The following ZHX2 variants were observed in gnomAD, a reference collection of about 807,000 sequenced individuals.
ZHX2 encodes the protein zinc fingers and homeoboxes protein 2.
ZHX2 carries 6 observed loss-of-function variants against 21.9 expected under a neutral mutation model. The ratio of observed to expected loss-of-function variants is 0.27; its 90% CI spans 0.15 to 0.54. The LOEUF is 0.54. Ranked by LOEUF, ZHX2 falls within the 20% of genes least tolerant of loss-of-function variation. ZHX2 has a pLI of 0.95. For missense variants in ZHX2, 908 were observed against 1,090.7 expected, an observed-to-expected ratio of 0.83 and a Z score of 2.36; for synonymous variants, 434 against 437.1, an observed-to-expected ratio of 0.99 and a Z score of 0.09.
At chr8:122,816,769 C>T (rs141173221) in intron 1 of ZHX2, among the ~76,000 whole-genome samples, 64 of 152,246 alleles carry the variant, frequency 4.2e-4, no homozygotes, top group African/African-American at 1.5e-3. Context: ...GAAACTGAAG[C>T]TCAGGGAGGC....
chr8:122,826,127 G>A (rs373805875), intron 1 of ZHX2, among the ~76,000 whole-genome samples: 8 of 152,272 alleles, frequency 5.3e-5, no homozygotes, highest in Admixed American at 3.3e-4. Flanking sequence ...GGGAAAATGG[G>A]CCATTATTCT....
chr8:122,965,260 T>TA (rs1813552731), intron 3 of ZHX2, among the ~76,000 whole-genome samples: 1 of 152,218 alleles, frequency 6.6e-6, no homozygotes, highest in Admixed American at 6.5e-5. Context: ...TTTGTGCTCT[T>TA]AGACTTTTTG....
At chr8:122,814,701 G>A (rs1817996416) in intron 1 of ZHX2, among the ~76,000 whole-genome samples, 2 of 152,244 alleles carry the variant, frequency 1.3e-5, no homozygotes, top group East Asian at 3.9e-4. Context: ...GAGGTATTGG[G>A]GTGTCTGGCA....
chr8:122,836,734 G>A (rs375097643), intron 1 of ZHX2, among the ~76,000 whole-genome samples: 12 of 152,274 alleles, frequency 7.9e-5, no homozygotes, highest in African/African-American at 1.9e-4. Context: ...GGTGTCTTCC[G>A]GCCGGCTTTC....
At chr8:122,930,872 C>T (rs1820972716) in intron 2 of ZHX2, among the ~76,000 whole-genome samples, 1 of 152,078 alleles carries the variant, frequency 6.6e-6, no homozygotes, top group South Asian at 2.1e-4. Context: ...GGCTGGCACA[C>T]TGGCACCCAG....
At chr8:122,876,207 C>T (rs1217686122) in intron 2 of ZHX2, among the ~76,000 whole-genome samples, 3 of 144,326 alleles carry the variant, frequency 2.1e-5, no homozygotes, top group Non-Finnish European at 4.6e-5. Flanking sequence ...CCCACATCTT[C>T]GACACTGACA....
chr8:122,853,732 C>A (rs972271979), intron 1 of ZHX2, among the ~76,000 whole-genome samples: 2 of 152,098 alleles, frequency 1.3e-5, no homozygotes, highest in African/African-American at 4.8e-5. Flanking sequence ...ACCGCCTTCT[C>A]CATGCAACCT....
rs758122080 is a variant in ZHX2, at chr8:122,953,989, T to A, written c.2479T>A (p.Ser827Thr). The A allele has an allele frequency of 6.2e-7, 1 of 1,609,552 alleles. No individual in the cohort carries two copies. The highest frequency in any genetic ancestry group is 1.7e-5 in the Admixed American group (1 of 59,732). Residue 827 changes from serine to threonine, a missense_variant, in exon 3 of 4, where the codon TCC becomes ACC. Physicochemically the swap from Ser to Thr is moderately conservative, Grantham distance 58. Transcript: ENST00000314393. This position sits in a 1 kb window ranked among gnomAD's most constrained non-coding sequence, Gnocchi z 4.6. ...TGTGTCGGAACTGGCTGAATCAGAC[T>A]CCGACTGCGTCCCTGCAGAGGCTGG... ...EGVSELAESDSDCVPAEAGQA is the reference protein window; with the variant it reads ...EGVSELAESDTDCVPAEAGQA
intron 2 of ZHX2, among the ~76,000 whole-genome samples, chr8:122,891,991 A>G (rs1016993687): frequency 6.6e-6 from 1 of 152,164 alleles, no homozygotes; most frequent in African/African-American, 2.4e-5. Context: ...TTCTGCCTAG[A>G]TGGTCTGTCC....
At chr8:122,788,763 G>A (rs1225536561) in intron 1 of ZHX2, among the ~76,000 whole-genome samples, 4 of 152,142 alleles carry the variant, frequency 2.6e-5, no homozygotes, top group East Asian at 1.9e-4. Context: ...GAGAAGGGAC[G>A]GTTTTAGATC....
chr8:122,845,549 T>G (rs1381440020), intron 1 of ZHX2, among the ~76,000 whole-genome samples: 1 of 152,238 alleles, frequency 6.6e-6, no homozygotes, highest in Non-Finnish European at 1.5e-5. Context: ...AATATCCTTA[T>G]ATCTGAAAAG....
chr8:122,890,438 A>T (rs1307419028), intron 2 of ZHX2, among the ~76,000 whole-genome samples: 7 of 152,028 alleles, frequency 4.6e-5, no homozygotes, highest in Non-Finnish European at 1.5e-5. Flanking sequence ...CTTTTGCTAC[A>T]TGGGGTCTTT....
At chr8:122,807,175 G>A (rs16897478) in intron 1 of ZHX2, among the ~76,000 whole-genome samples, 15,464 of 152,188 alleles carry the variant, frequency 0.1, 995 homozygotes, top group Admixed American at 0.21. Context: ...CTGGGCAGGC[G>A]CAGGTATTTT....
chr8:122,805,429 C>A (rs115852399), intron 1 of ZHX2, among the ~76,000 whole-genome samples: 13 of 152,154 alleles, frequency 8.5e-5, no homozygotes, highest in African/African-American at 3.1e-4. Context: ...CCCCCCACCC[C>A]AGCAAGGAAA....
At chr8:122,789,978 C>T (rs535128409) in intron 1 of ZHX2, among the ~76,000 whole-genome samples, 11 of 152,320 alleles carry the variant, frequency 7.2e-5, no homozygotes, top group African/African-American at 1.2e-4. Flanking sequence ...AGAACGGAAA[C>T]GGTCTTGATC....
intron 2 of ZHX2, among the ~76,000 whole-genome samples, chr8:122,898,906 G>A (rs778013223): frequency 3.3e-5 from 5 of 152,152 alleles, no homozygotes; most frequent in Admixed American, 6.5e-5. Context: ...CTTCACCTGT[G>A]GGCTCCTGCT....
chr8:122,855,260 A>G (rs1818999589), intron 1 of ZHX2, among the ~76,000 whole-genome samples: 1 of 152,236 alleles, frequency 6.6e-6, no homozygotes, highest in African/African-American at 2.4e-5. Flanking sequence ...GCCAGCATAA[A>G]GTTGACTCCA....
At chr8:122,805,913 C>G (rs1161628502) in intron 1 of ZHX2, among the ~76,000 whole-genome samples, 2 of 152,180 alleles carry the variant, frequency 1.3e-5, no homozygotes, top group Admixed American at 6.5e-5. Flanking sequence ...CCCTCTAAAC[C>G]TTTGCATATT....
chr8:122,827,624 A>G (rs1484331713), intron 1 of ZHX2, among the ~76,000 whole-genome samples: 1 of 151,966 alleles, frequency 6.6e-6, no homozygotes, highest in African/African-American at 2.4e-5. Flanking sequence ...TTAGGGGAAA[A>G]AAAGAGAATC....
Sources: gnomAD v4.1 joint callset for allele counts (sites outside exome capture counted in the v4.1 genomes callset) on GRCh38, gnomAD v4.1.1 for gene constraint, Gnocchi (gnomAD v3.1) non-coding constraint, MANE v1.5 for transcripts, NCBI Gene and HGNC (gene_info 2026-07-23, HGNC 2026-07-21) for gene names.